The following LIG1 variants were observed in gnomAD, a reference collection of about 807,000 sequenced individuals.
The protein encoded by LIG1 is ligase I, DNA, ATP-dependent.
In LIG1, 70 loss-of-function variants were observed where a neutral mutation model predicts 115.7. The ratio of observed to expected loss-of-function variants is 0.60; its 90% CI spans 0.50 to 0.74. The LOEUF (loss-of-function observed/expected upper bound fraction) is 0.74. Ranked by LOEUF, LIG1 falls within the 30% of genes least tolerant of loss-of-function variation. LIG1 has a pLI of 0.00. For missense variants in LIG1, 1,115 were observed against 1,225.6 expected (o/e 0.91, Z 1.35); for synonymous variants, 487 against 495.3 (o/e 0.98, Z 0.22).
chr19:48,121,460 TG>T (rs2033267708), intron 23 of LIG1, 138 bp from the exon 24 acceptor site: 1 of 816,896 alleles, frequency 1.2e-6, no homozygotes, highest in Admixed American at 3.1e-5. Flanking sequence ...ACCCCAAGGA[TG>T]GCCCCTGGGA....
chr19:48,165,442 CT>C, intron 2 of LIG1, 107 bp downstream of exon 2: 2 of 936,586 alleles, frequency 2.1e-6, no homozygotes, highest in African/African-American at 1.6e-5. Flanking sequence ...AACTCAAAAT[CT>C]AACGTAAGAG....
intron 9 of LIG1, 130 bp downstream of exon 9, chr19:48,149,633 T>C (rs2035339736): frequency 1.1e-5 from 8 of 751,054 alleles, no homozygotes; most frequent in Admixed American, 2.1e-5. Flanking sequence ...ATATTTACTC[T>C]CTGGCTCTTT....
chr19:48,117,723 T>G lies in LIG1; in HGVS notation c.2498A>C (p.Asp833Ala). Residue 833 changes from aspartate to alanine, a missense_variant, in exon 26 of 28, where the codon GAC becomes GCC. Physicochemically the swap from Asp to Ala is moderately radical, Grantham distance 126. Transcript: ENST00000263274. ...YVRIDGAVIP[D>A]HWLDPSAVWE... The stretch of plus-strand genomic sequence containing the variant: ...CACAGCGCTGGGGTCCAGCCAGTGG[T>G]CGGGAATCACAGCGCCATCTATCCG... 6 of 1,613,048 alleles carry G rather than the reference T, an allele frequency of 3.7e-6. No homozygotes were observed. The highest frequency in any genetic ancestry group is 4.2e-6 in the Non-Finnish European group (5 of 1,179,798).
At chr19:48,165,723 GA>G in intron 1 of LIG1, 100 bp from the exon 2 acceptor site, 1 of 851,386 alleles carries the variant, frequency 1.2e-6, no homozygotes, top group South Asian at 1.5e-5. Context: ...AAAAAAAACA[GA>G]AACATGAATT....
intron 5 of LIG1, 105 bp from the exon 6 acceptor site, chr19:48,154,072 C>A (rs2035681638): frequency 2.3e-5 from 20 of 886,952 alleles, no homozygotes; most frequent in Non-Finnish European, 3.8e-5. Flanking sequence ...TCTGGGCCCT[C>A]TCCCCTTCTC....
At position 48,132,790 on chromosome 19, in the gene LIG1, C is replaced by CAAA. The variant is rs71181649; in HGVS notation, c.1725+189_1725+191dup. On this transcript the variant is annotated intron_variant, in intron 18 of 27. Coordinates refer to ENST00000263274, the MANE Select transcript of LIG1 (RefSeq NM_000234.3). ...TGGATGACAGAGTGAGACTCTGTCT[C>CAAA]AAAAAAAAAAAAAAAAAAAAAAAAA... Among the ~76,000 whole-genome samples the CAAA allele has an allele frequency of 4.4e-4, 21 of 48,252 alleles. 3 individuals carry two copies. Among genetic ancestry groups the CAAA allele is most frequent in the African/African-American group, 1.1e-3 (10 of 9,046 alleles). The allele number at this position is 48,252 out of a possible 152,430, so 31.7% of individuals were successfully genotyped here.
rs938383664 is a variant in LIG1, at chr19:48,133,972, G to A, written c.1609+9C>T. The A allele has an allele frequency of 4.5e-6, 7 of 1,551,960 alleles. No homozygotes were observed. The highest frequency in any genetic ancestry group is 6.1e-6 in the Non-Finnish European group (7 of 1,147,024). On this transcript the variant is annotated intron_variant, in intron 17 of 27. Transcript: ENST00000263274. ...CTGCCAGGCTGGTGAGCGCCCCTGG[G>A]GCCTGTACCTGGGCTCAGCTTGCAG...
At chr19:48,128,095 A>C (rs945704077) in intron 19 of LIG1, 75 bp from the exon 20 acceptor site, 6 of 1,180,402 alleles carry the variant, frequency 5.1e-6, no homozygotes, top group Non-Finnish European at 7.6e-6. Flanking sequence ...CGGGGAGATA[A>C]ATTCCCTTTT....
chr19:48,144,885 G>C (rs2035018117), intron 9 of LIG1, among the ~76,000 whole-genome samples: 1 of 151,972 alleles, frequency 6.6e-6, no homozygotes, highest in South Asian at 2.1e-4. Flanking sequence ...CACACAGCTG[G>C]TAAGCAGCGC....
intron 25 of LIG1, among the ~76,000 whole-genome samples, chr19:48,118,116 A>G (rs1367179828): frequency 6.6e-6 from 1 of 152,136 alleles, no homozygotes; most frequent in Admixed American, 6.6e-5. Context: ...AGGCAGAGAA[A>G]GGGCCAGAGA....
At position 48,143,949 on chromosome 19, in the gene LIG1, G is replaced by A; in HGVS notation, c.791C>T (p.Ser264Phe). Reference protein sequence around the residue: ...EGAAEGPLDPSGYNPAKNNYH... With the variant: ...EGAAEGPLDPFGYNPAKNNYH... ...GTTGTTCTTGGCAGGATTGTAACCA[G>A]ATGGATCCAGGGGTCTACGGAGGCA... The change falls in exon 10 of 28, where the codon TCT (serine) becomes TTT (phenylalanine). Residue 264 changes from serine to phenylalanine, a missense_variant. Physicochemically the swap from Ser to Phe is radical, Grantham distance 155 (BLOSUM62 -2). Coordinates refer to ENST00000263274, the MANE Select transcript of LIG1 (RefSeq NM_000234.3). 1 of 1,613,966 alleles carries A rather than the reference G, an allele frequency of 6.2e-7. No homozygotes were observed. The highest frequency in any genetic ancestry group is 1.1e-5 in the South Asian group (1 of 91,084).
Position 48,140,108 on chromosome 19 carries a change from C to A in LIG1, c.950G>T (p.Arg317Leu), listed in dbSNP as rs767742230. The A allele has an allele frequency of 6.2e-7, 1 of 1,613,682 alleles. No individual in the cohort carries two copies. Among genetic ancestry groups the A allele is most frequent in the Admixed American group, 1.7e-5 (1 of 60,000 alleles). Reference protein sequence around the residue: ...RMVETLSNLLRSVVALSPPDL... With the variant: ...RMVETLSNLLLSVVALSPPDL... ...TGGAGGCGACAGGGCCACCACGGAG[C>A]GCAGCAAGTTGCTCAGCGTCTCCAC... is the stretch of plus-strand genomic sequence containing the variant. The change falls in exon 12 of 28, where the codon CGC (arginine) becomes CTC (leucine). Residue 317 changes from arginine (R) to leucine (L), a missense_variant. Transcript: ENST00000263274.
At chr19:48,156,962 A>AC in intron 5 of LIG1, 52 bp downstream of exon 5, 1 of 1,295,262 alleles carries the variant, frequency 7.7e-7, no homozygotes, top group Non-Finnish European at 1.0e-6. Context: ...AAAAAAAAAA[A>AC]GAGAAAAAGA....
At chr19:48,167,549 C>T (rs1490807627) in intron 1 of LIG1, among the ~76,000 whole-genome samples, 1 of 152,034 alleles carries the variant, frequency 6.6e-6, no homozygotes, top group Non-Finnish European at 1.5e-5. Context: ...CTCAGTAGGC[C>T]GGCACTGTGG....
chr19:48,156,689 T>A (rs930402460), intron 5 of LIG1, among the ~76,000 whole-genome samples: 5 of 151,406 alleles, frequency 3.3e-5, no homozygotes, highest in Non-Finnish European at 5.9e-5. Context: ...ACGCCTGTAA[T>A]CCCAGCACTT....
At chr19:48,147,671 C>T (rs536432132) in intron 9 of LIG1, among the ~76,000 whole-genome samples, 4 of 145,274 alleles carry the variant, frequency 2.8e-5, no homozygotes, top group Admixed American at 1.4e-4. Context: ...AAACAAAAAA[C>T]AAAAAACCCA....
intron 18 of LIG1, among the ~76,000 whole-genome samples, chr19:48,131,682 G>A (rs971859564): frequency 4.6e-5 from 7 of 151,864 alleles, no homozygotes; most frequent in East Asian, 1.9e-4. Flanking sequence ...CAGGTGATCC[G>A]CCCACCTTAG....
At chr19:48,166,969 A>AAAAAGAAAG (rs1568563009) in intron 1 of LIG1, among the ~76,000 whole-genome samples, 1 of 146,816 alleles carries the variant, frequency 6.8e-6, no homozygotes, top group Non-Finnish European at 1.5e-5. Flanking sequence ...CAAAAAAAAA[A>AAAAAGAAAG]AAAAAGAAAG....
At chr19:48,128,724 AT>A (rs1174154697) in intron 19 of LIG1, among the ~76,000 whole-genome samples, 9 of 152,336 alleles carry the variant, frequency 5.9e-5, no homozygotes, top group African/African-American at 2.2e-4. Context: ...TTCATGTTGT[AT>A]CCTGGAGCCA....
Sources: gnomAD v4.1 joint callset for allele counts (sites outside exome capture counted in the v4.1 genomes callset) on GRCh38, gnomAD v4.1.1 for gene constraint, MANE v1.5 for transcripts, NCBI Gene and HGNC (gene_info 2026-07-23, HGNC 2026-07-21) for gene names.